Variants in CPT2 observed in about 807,000 individuals in gnomAD.
CPT2 encodes the protein carnitine O-palmitoyltransferase 2, mitochondrial.
CPT2 carries 37 observed loss-of-function variants against 48.6 expected under a neutral mutation model. That is an observed-to-expected ratio of 0.76 (90% CI 0.59 to 1.00). The LOEUF (loss-of-function observed/expected upper bound fraction) is 1.00, where lower values mean the gene tolerates loss of function less well. Among genes scored for constraint, CPT2 ranks in the 50% least tolerant of loss-of-function variants. The probability of loss-of-function intolerance (pLI) is 0.00; values close to 1 mark genes in which losing one functional copy is unlikely to be tolerated. For synonymous variants in CPT2, 319 were observed against 326.9 expected (o/e 0.98, Z 0.26); for missense variants, 772 against 825.6 (o/e 0.94, Z 0.80).
At position 53,197,009 on chromosome 1, in the gene CPT2, T is replaced by C. The variant is rs2100254831; in HGVS notation, c.66T>C (p.Ser22=). The change falls in exon 1 of 5, where the codon AGT becomes AGC. Residue 22 remains serine, a synonymous_variant. Coordinates refer to ENST00000371486, the MANE Select transcript of CPT2 (RefSeq NM_000098.3). Reference sequence around the variant, plus strand: ...CCGCGGTTGGTCCGGGAGCCCCCAGTCGGCCCCTCAGCGCCGGCTCCGGGC... The same window carrying C: ...CCGCGGTTGGTCCGGGAGCCCCCAGCCGGCCCCTCAGCGCCGGCTCCGGGC... ...RGPAVGPGAP[S]RPLSAGSGPG... is the part of the protein sequence containing the mutation. 6.5e-7 allele frequency: 1 copy of C among 1,533,506 alleles called. No individual in the cohort carries two copies. The highest frequency in any genetic ancestry group is 8.7e-7 in the Non-Finnish European group (1 of 1,144,646). 95.0% of individuals were successfully genotyped at this position (1,533,506 alleles called of 1,614,324 possible).
At chr1:53,207,730 G>A (rs1007032753) in intron 3 of CPT2, 4 of 152,152 alleles carry the variant, frequency 2.6e-5, no homozygotes, top group African/African-American at 9.7e-5. Context: ...CAAATTGCTG[G>A]GATTACCAGC....
chr1:53,196,956 C>A lies in CPT2; in HGVS notation c.13C>A (p.Leu5Met). 1 of 1,541,146 alleles carries A rather than the reference C, an allele frequency of 6.5e-7. No homozygotes were observed. Among genetic ancestry groups the A allele is most frequent in the Non-Finnish European group, 8.7e-7 (1 of 1,152,142 alleles). MVPR[L>M]LLRAWPRGPA... ...GGCTCCCGGGACGATGGTGCCCCGCCTGCTGCTGCGCGCCTGGCCCCGGGG... is the reference window on the plus strand; with the variant it reads ...GGCTCCCGGGACGATGGTGCCCCGCATGCTGCTGCGCGCCTGGCCCCGGGG... The change falls in exon 1 of 5, where the codon CTG becomes ATG. Residue 5 changes from leucine to methionine, a missense_variant. Transcript: ENST00000371486.
intron 3 of CPT2, among the ~76,000 whole-genome samples, chr1:53,206,294 A>T (rs1645389277): frequency 6.6e-6 from 1 of 152,098 alleles, no homozygotes. Flanking sequence ...CCTCATGGAG[A>T]TCCTCTACTA....
At position 53,213,406 on chromosome 1, in the gene CPT2, A is replaced by C. The variant is rs1436682672; in HGVS notation, c.1788A>C (p.Ala596=). 1.2e-6 allele frequency: 2 copies of C among 1,614,144 alleles called. No homozygotes were observed. Among genetic ancestry groups the C allele is most frequent in the African/African-American group, 2.7e-5 (2 of 74,954 alleles). Residue 596 remains alanine (A), a synonymous_variant, in exon 5 of 5, where the codon GCA becomes GCC. Transcript: ENST00000371486. ...VLSTSTLSSP[A]VNLGGFAPVV... is the part of the protein sequence containing the mutation. ...CCACGAGCACACTGAGCAGCCCAGC[A>C]GTGAACCTTGGGGGCTTTGCCCCTG...
At chr1:53,209,849 A>G in intron 3 of CPT2, 166 bp from the exon 4 acceptor site, 1 of 644,090 alleles carries the variant, frequency 1.6e-6, no homozygotes, top group South Asian at 1.9e-5. Context: ...GTATGACCCC[A>G]TTTGTATGTC....
intron 1 of CPT2, among the ~76,000 whole-genome samples, chr1:53,198,520 C>T (rs1453947875): frequency 1.3e-5 from 2 of 152,180 alleles, no homozygotes; most frequent in Non-Finnish European, 2.9e-5. Flanking sequence ...TACATGCTTC[C>T]ACCCTGTCAA....
chr1:53,203,106 A>T (rs1196347226), intron 3 of CPT2: 1 of 152,386 alleles, frequency 6.6e-6, no homozygotes, highest in Non-Finnish European at 1.5e-5. Flanking sequence ...CTTCCTCATC[A>T]TCTTATTTCC....
At chr1:53,209,729 T>C (rs1645409225) in intron 3 of CPT2, 4 of 408,590 alleles carry the variant, frequency 9.8e-6, no homozygotes, top group South Asian at 8.9e-5. Context: ...TGAGCCGAGA[T>C]TGCAGCACTG....
Position 53,211,270 on chromosome 1 carries a change from G to A in CPT2, c.1596G>A (p.Met532Ile). Residue 532 changes from methionine to isoleucine, a missense_variant, in exon 4 of 5, where the codon ATG becomes ATA. Met to Ile is a conservative substitution (Grantham distance 10). Coordinates refer to ENST00000371486, the MANE Select transcript of CPT2 (RefSeq NM_000098.3). ...GTGCTGGTGAGCTTCAGCAGATGAT[G>A]GTTGAGTGCTCCAAGTACCATGGCC... Reference protein sequence around the residue: ...RHSAGELQQMMVECSKYHGQL... With the variant: ...RHSAGELQQMIVECSKYHGQL... The A allele has an allele frequency of 1.2e-6, 2 of 1,611,954 alleles. No individual in the cohort carries two copies.
At position 53,213,549 on chromosome 1, in the gene CPT2, T is replaced by C. The variant is rs757711106; in HGVS notation, c.1931T>C (p.Leu644Ser). The C allele has an allele frequency of 6.2e-7, 1 of 1,614,190 alleles. No homozygotes were observed. Among genetic ancestry groups the C allele is most frequent in the Non-Finnish European group, 8.5e-7 (1 of 1,180,028 alleles). ...REFLQCVEKA[L>S]EDMFDALEGK... ...TTTCTCCAATGTGTGGAGAAGGCCT[T>C]AGAAGACATGTTTGATGCCTTAGAA... Residue 644 changes from leucine to serine, a missense_variant, in exon 5 of 5, where the codon TTA (leucine) becomes TCA (serine). Leu to Ser is a moderately radical substitution (Grantham distance 145, BLOSUM62 -2). Transcript: ENST00000371486.
chr1:53,204,761 T>C (rs138542744), intron 3 of CPT2, among the ~76,000 whole-genome samples: 3 of 152,258 alleles, frequency 2.0e-5, no homozygotes, highest in African/African-American at 7.2e-5. Flanking sequence ...GTTCTCATGA[T>C]AGTTAGTGGT....
At chr1:53,197,126 G>A in intron 1 of CPT2, 31 bp downstream of exon 1, 10 of 1,536,238 alleles carry the variant, frequency 6.5e-6, no homozygotes, top group East Asian at 2.4e-5. Flanking sequence ...CCCGCCGCCC[G>A]CCGCCGTCCC....
In CPT2 at chr1:53,213,570, T is replaced by A; in HGVS notation, c.1952T>A (p.Leu651Ter). ...GCCTTAGAAGACATGTTTGATGCCT[T>A]AGAAGGCAAATCCATCAAAAGTTAA... Reference protein sequence around the residue: ...EKALEDMFDALEGKSIKS With the variant: ...EKALEDMFDA The change falls in exon 5 of 5, where the codon TTA becomes TAA. Residue 651 changes from leucine to a stop codon, truncating the protein, a stop_gained. Coordinates refer to ENST00000371486, the MANE Select transcript of CPT2 (RefSeq NM_000098.3). LOFTEE classifies it high-confidence loss of function. The A allele has an allele frequency of 6.2e-7, 1 of 1,613,946 alleles. No individual in the cohort carries two copies. The highest frequency in any genetic ancestry group is 8.5e-7 in the Non-Finnish European group (1 of 1,180,034).
chr1:53,212,382 T>C (rs1326822498), intron 4 of CPT2, among the ~76,000 whole-genome samples: 1 of 152,132 alleles, frequency 6.6e-6, no homozygotes, highest in Non-Finnish European at 1.5e-5. Context: ...AAATTTTTTG[T>C]AGAGATGAGG....
chr1:53,200,827 T>C, intron 2 of CPT2, 28 bp downstream of exon 2: 1 of 1,573,362 alleles, frequency 6.4e-7, no homozygotes, highest in Non-Finnish European at 8.7e-7. Flanking sequence ...TGGGTGAGCA[T>C]AGTTGGGGTG....
chr1:53,197,354 C>CT (rs1645330118), intron 1 of CPT2: 1 of 567,242 alleles, frequency 1.8e-6, no homozygotes, highest in African/African-American at 1.9e-5. Flanking sequence ...CTCAGATTCC[C>CT]TCTCCTTTAA....
At chr1:53,201,204 G>A (rs1379921518) in intron 2 of CPT2, 1 of 258,384 alleles carries the variant, frequency 3.9e-6, no homozygotes, top group African/African-American at 2.2e-5. Flanking sequence ...CAAAATTTAT[G>A]CCCTTTTTCA....
chr1:53,213,182 T>A (rs1362686979), intron 4 of CPT2, 82 bp from the exon 5 acceptor site: 7 of 1,394,710 alleles, frequency 5.0e-6, no homozygotes, highest in African/African-American at 1.4e-5. Flanking sequence ...TGAGGGGTAT[T>A]CCTACCATGT....
intron 2 of CPT2, chr1:53,201,184 AG>A (rs1645353014): frequency 7.2e-6 from 2 of 278,626 alleles, no homozygotes; most frequent in South Asian, 8.4e-5. Context: ...TGAGTTGGAT[AG>A]CATGCCTCCA....
Sources: allele counts gnomAD v4.1 joint callset (sites outside exome capture counted in the v4.1 genomes callset), GRCh38; gene constraint gnomAD v4.1.1; transcripts MANE v1.5; gene names NCBI Gene and HGNC (gene_info 2026-07-23, HGNC 2026-07-21).